Variants in HECW1 observed in about 807,000 individuals in gnomAD.
The protein encoded by HECW1 is HECT, C2 and WW domain containing E3 ubiquitin protein ligase 1, also known as E3 ubiquitin-protein ligase HECW1.
Under a neutral mutation model 182.3 loss-of-function variants are expected in HECW1, and 61 were observed. That is an observed-to-expected ratio of 0.33 (90% CI 0.27 to 0.41). The LOEUF is 0.41. Ranked by LOEUF, HECW1 falls within the 10% of genes least tolerant of loss-of-function variation. The pLI, the probability that HECW1 is intolerant of heterozygous loss-of-function variation, is 1.00. For synonymous variants in HECW1, 859 were observed against 832.6 expected (o/e 1.03, Z -0.55); for missense variants, 1,739 against 2,108.9 (o/e 0.82, Z 3.44).
intron 8 of HECW1, among the ~76,000 whole-genome samples, chr7:43,412,620 C>A (rs2075844730): frequency 7.7e-6 from 1 of 130,618 alleles, no homozygotes; most frequent in Non-Finnish European, 1.6e-5. Context: ...CACCCCACCA[C>A]AGTCCCCAGA....
intron 6 of HECW1, among the ~76,000 whole-genome samples, chr7:43,373,011 A>G (rs2074173022): frequency 6.6e-6 from 1 of 152,160 alleles, no homozygotes; most frequent in Non-Finnish European, 1.5e-5. Context: ...AATTAAATCC[A>G]GAGATGAAGA....
At chr7:43,266,630 G>A (rs144443156) in intron 3 of HECW1, among the ~76,000 whole-genome samples, 11 of 152,234 alleles carry the variant, frequency 7.2e-5, no homozygotes, top group South Asian at 2.1e-4. Flanking sequence ...CACCGTGCCC[G>A]GCCTCAGGAA....
chr7:43,328,598 G>T (rs1811084957), intron 5 of HECW1, among the ~76,000 whole-genome samples: 1 of 152,194 alleles, frequency 6.6e-6, no homozygotes, highest in Non-Finnish European at 1.5e-5. Flanking sequence ...AGCACATCAA[G>T]GATTCCATTG....
intron 24 of HECW1, among the ~76,000 whole-genome samples, chr7:43,530,529 ATGG>A (rs2080942226): frequency 6.6e-6 from 1 of 151,984 alleles, no homozygotes; most frequent in South Asian, 2.1e-4. Flanking sequence ...GGATGGATGG[ATGG>A]ATGGAAAGAC....
intron 2 of HECW1, among the ~76,000 whole-genome samples, chr7:43,180,972 C>T (rs776461128): frequency 5.3e-5 from 8 of 152,128 alleles, no homozygotes; most frequent in Non-Finnish European, 1.0e-4. Context: ...CTTTGTAACA[C>T]ATTGGCCGAC....
rs191955573 is a variant in HECW1, at chr7:43,379,942, T to C, written c.556-16872T>C. On this transcript the variant is annotated intron_variant, in intron 6 of 29. Transcript: ENST00000395891. ...CTGTCCTCTTCAGAGCTGTTCCTTATCACCCACCAGAGCAGTACCTGGCAC... is the reference window on the plus strand; with the variant it reads ...CTGTCCTCTTCAGAGCTGTTCCTTACCACCCACCAGAGCAGTACCTGGCAC... 3.0e-3 allele frequency among the ~76,000 whole-genome samples: 462 copies of C among 152,352 alleles called. 3 individuals are homozygous for C. The highest frequency in any genetic ancestry group is 0.027 in the Middle Eastern group (8 of 294).
chr7:43,302,389 G>T (rs1584395257), intron 3 of HECW1, among the ~76,000 whole-genome samples: 1 of 152,354 alleles, frequency 6.6e-6, no homozygotes, highest in East Asian at 1.9e-4. Context: ...AAGAGGAGGG[G>T]CTGGCCCAGA....
intron 23 of HECW1, 118 bp from the exon 24 acceptor site, chr7:43,508,851 C>A: frequency 1.0e-6 from 1 of 978,832 alleles, no homozygotes; most frequent in Non-Finnish European, 1.5e-6. Flanking sequence ...AGAGCAGAGG[C>A]TGCTCTCTGC....
intron 26 of HECW1, 106 bp downstream of exon 26, chr7:43,542,104 C>A: frequency 1.0e-6 from 1 of 976,674 alleles, no homozygotes; most frequent in Non-Finnish European, 1.4e-6. Flanking sequence ...GACTTCAGTG[C>A]TTCAGTATAT....
intron 2 of HECW1, among the ~76,000 whole-genome samples, chr7:43,212,008 A>C (rs1796047341): frequency 6.6e-6 from 1 of 152,216 alleles, no homozygotes; most frequent in Non-Finnish European, 1.5e-5. Flanking sequence ...AGAACAAGGC[A>C]AAGAGAGCAC....
intron 5 of HECW1, among the ~76,000 whole-genome samples, chr7:43,336,979 A>G (rs1812374655): frequency 6.6e-6 from 1 of 152,168 alleles, no homozygotes; most frequent in Non-Finnish European, 1.5e-5. Flanking sequence ...TGACTTTGCT[A>G]TTGTGAATAG....
At chr7:43,522,078 G>A (rs1047070804) in intron 24 of HECW1, among the ~76,000 whole-genome samples, 8 of 152,142 alleles carry the variant, frequency 5.3e-5, no homozygotes, top group African/African-American at 1.7e-4. Flanking sequence ...ACCAGACCCT[G>A]AATCTTTTGG....
Position 43,463,734 on chromosome 7 carries a change from C to A in HECW1, c.2726C>A (p.Ala909Asp), listed in dbSNP as rs1429564498. Residue 909 changes from alanine (A) to aspartate (D), a missense_variant, in exon 14 of 30, where the codon GCC (alanine) becomes GAC (aspartate). Physicochemically the swap from Ala to Asp is moderately radical, Grantham distance 126 (BLOSUM62 -2). Coordinates refer to ENST00000395891, the MANE Select transcript of HECW1 (RefSeq NM_015052.5). ...TCTGGCAGCCAAAGCTGCGAGCAAGCCCCAGCAGGAGGAGGCGGAGGTGGA... is the reference window on the plus strand; with the variant it reads ...TCTGGCAGCCAAAGCTGCGAGCAAGACCCAGCAGGAGGAGGCGGAGGTGGA... ...EDSGSQSCEQAPAGGGGGGGS... is the reference protein window; with the variant it reads ...EDSGSQSCEQDPAGGGGGGGS... The A allele has an allele frequency of 6.2e-7, 1 of 1,613,854 alleles. No homozygotes were observed. The highest frequency in any genetic ancestry group is 2.2e-5 in the East Asian group (1 of 44,874).
At chr7:43,240,710 G>C (rs1472217337) in intron 2 of HECW1, among the ~76,000 whole-genome samples, 1 of 152,230 alleles carries the variant, frequency 6.6e-6, no homozygotes, top group Non-Finnish European at 1.5e-5. Flanking sequence ...GTCACTGCCA[G>C]TCAGCGTTGA....
At chr7:43,290,268 G>A (rs914016502) in intron 3 of HECW1, among the ~76,000 whole-genome samples, 12 of 152,234 alleles carry the variant, frequency 7.9e-5, no homozygotes, top group African/African-American at 2.4e-4. Context: ...TTTCTCCAGG[G>A]TCTGCTATCT....
chr7:43,520,202 T>G (rs956361679), intron 24 of HECW1, among the ~76,000 whole-genome samples: 5 of 152,216 alleles, frequency 3.3e-5, no homozygotes, highest in Non-Finnish European at 7.3e-5. Context: ...ATATTGTGAA[T>G]GCCTCATGTA....
intron 27 of HECW1, among the ~76,000 whole-genome samples, chr7:43,550,953 AT>A (rs930089077): frequency 1.2e-4 from 18 of 152,210 alleles, no homozygotes; most frequent in African/African-American, 4.3e-4. Flanking sequence ...AAGTGAAGAC[AT>A]TGGGGGGTAT....
rs1218292853 is a variant in HECW1, at chr7:43,563,415, G to C, written c.*1489G>C. On this transcript the variant is annotated 3_prime_UTR_variant, in exon 30 of 30. Coordinates refer to ENST00000395891, the MANE Select transcript of HECW1 (RefSeq NM_015052.5). ...AAATGAAAGTGTTTTTCTTCACTGGGAAAAAGAAGAGCTCAAGAGACCCCA... is the reference window on the plus strand; with the variant it reads ...AAATGAAAGTGTTTTTCTTCACTGGCAAAAAGAAGAGCTCAAGAGACCCCA... The C allele has an allele frequency of 1.0e-5, 2 of 198,928 alleles. No individual in the cohort carries two copies. 12.3% of individuals were successfully genotyped at this position (198,928 alleles called of 1,614,324 possible). A position where few individuals can be genotyped will look rare whatever the true frequency, so the allele number is the denominator to read the frequency against.
At chr7:43,340,279 A>G (rs2152799665) in intron 5 of HECW1, among the ~76,000 whole-genome samples, 1 of 136,640 alleles carries the variant, frequency 7.3e-6, no homozygotes, top group East Asian at 2.1e-4. Flanking sequence ...AGAGTACAGC[A>G]GAGCAGTCTC....
Sources: allele counts gnomAD v4.1 joint callset (sites outside exome capture counted in the v4.1 genomes callset), GRCh38; gene constraint gnomAD v4.1.1; transcripts MANE v1.5; gene names NCBI Gene and HGNC (gene_info 2026-07-23, HGNC 2026-07-21).